Variants in GNAI1 observed in about 807,000 individuals in gnomAD.
GNAI1 encodes the protein G protein subunit alpha i1, also known as guanine nucleotide-binding protein G(i) subunit alpha-1.
GNAI1 carries 11 observed loss-of-function variants against 38.9 expected under a neutral mutation model. The observed-to-expected ratio is 0.28, with a 90% CI of 0.18 to 0.47. The LOEUF (loss-of-function observed/expected upper bound fraction) is 0.47. Ranked by LOEUF, GNAI1 falls within the 20% of genes least tolerant of loss-of-function variation. The probability of loss-of-function intolerance (pLI) is 0.99; values close to 1 mark genes in which losing one functional copy is unlikely to be tolerated. For missense variants in GNAI1, 317 were observed against 436.9 expected (o/e 0.73, Z 2.45); for synonymous variants, 166 against 145.1 (o/e 1.14, Z -1.04).
intron 5 of GNAI1, among the ~76,000 whole-genome samples, chr7:80,206,827 C>A (rs1237990018): frequency 6.6e-6 from 1 of 151,940 alleles, no homozygotes; most frequent in Non-Finnish European, 1.5e-5. Flanking sequence ...AAATTCAGCA[C>A]AGTAAGAGAC....
chr7:80,196,723 C>T (rs1004708912), intron 3 of GNAI1, among the ~76,000 whole-genome samples: 3 of 151,808 alleles, frequency 2.0e-5, no homozygotes, highest in African/African-American at 4.8e-5. Flanking sequence ...TGCCTGAAAG[C>T]TCATCTACAG....
intron 1 of GNAI1, among the ~76,000 whole-genome samples, chr7:80,148,917 C>T (rs1015572946): frequency 2.0e-5 from 3 of 152,044 alleles, no homozygotes; most frequent in Non-Finnish European, 4.4e-5. Context: ...AGTCTTGAGA[C>T]TGATATGTGG....
At chr7:80,208,762 G>A (rs1788822412) in intron 5 of GNAI1, among the ~76,000 whole-genome samples, 1 of 152,058 alleles carries the variant, frequency 6.6e-6, no homozygotes, top group African/African-American at 2.4e-5. Context: ...GCAGGAAACT[G>A]CAGCCTTCTA....
At chr7:80,215,723 A>G (rs769644244) in intron 7 of GNAI1, among the ~76,000 whole-genome samples, 1 of 152,088 alleles carries the variant, frequency 6.6e-6, no homozygotes, top group Non-Finnish European at 1.5e-5. Context: ...ATAAAGCAAT[A>G]TAACAAAAAC....
At chr7:80,163,389 A>G (rs940546186) in intron 1 of GNAI1, among the ~76,000 whole-genome samples, 3 of 152,098 alleles carry the variant, frequency 2.0e-5, no homozygotes, top group Admixed American at 2.0e-4. Flanking sequence ...TGATCTCTAC[A>G]TGTCCTCTTA....
intron 1 of GNAI1, among the ~76,000 whole-genome samples, chr7:80,158,517 G>A (rs1283559442): frequency 1.3e-5 from 2 of 152,108 alleles, no homozygotes. Flanking sequence ...GATTTCACAT[G>A]AGATCTGGTG....
intron 3 of GNAI1, among the ~76,000 whole-genome samples, chr7:80,192,111 C>A (rs1014059705): frequency 2.6e-5 from 4 of 152,188 alleles, no homozygotes; most frequent in African/African-American, 9.6e-5. Context: ...ATATTGCAAA[C>A]ACTTTTGCCT....
chr7:80,165,621 CTT>C (rs1324495831), intron 1 of GNAI1, among the ~76,000 whole-genome samples: 3 of 152,082 alleles, frequency 2.0e-5, no homozygotes, highest in Admixed American at 6.5e-5. Flanking sequence ...TTCTCTTTCT[CTT>C]GTGAAATTGA....
intron 1 of GNAI1, among the ~76,000 whole-genome samples, chr7:80,174,733 T>G (rs1435714442): frequency 6.6e-6 from 1 of 152,162 alleles, no homozygotes; most frequent in Non-Finnish European, 1.5e-5. Context: ...TTGGATCGCA[T>G]AAACCGAACC....
chr7:80,167,169 A>G (rs1788023891), intron 1 of GNAI1, among the ~76,000 whole-genome samples: 1 of 152,208 alleles, frequency 6.6e-6, no homozygotes, highest in Non-Finnish European at 1.5e-5. Flanking sequence ...TAAGATAAGA[A>G]TGACCTTTTT....
chr7:80,186,939 A>C (rs1468374066), intron 1 of GNAI1: 1 of 152,208 alleles, frequency 6.6e-6, no homozygotes, highest in Non-Finnish European at 1.5e-5. Context: ...TTGATTAATA[A>C]ATAATGGGTT....
At chr7:80,171,334 A>G (rs1788095385) in intron 1 of GNAI1, among the ~76,000 whole-genome samples, 2 of 152,108 alleles carry the variant, frequency 1.3e-5, no homozygotes, top group South Asian at 2.1e-4. Flanking sequence ...CTGTGTGTCA[A>G]TGCGTGTGAA....
Position 80,210,951 on chromosome 7 carries a change from C to T in GNAI1, c.591-18C>T. The stretch of plus-strand genomic sequence containing the variant: ...TTGAACATTTAATGTGATGTTAACT[C>T]ATTTCTCCTCTTAACAGAATGTTTG... On this transcript the variant is annotated intron_variant, in intron 5 of 7. Coordinates refer to ENST00000649796, the MANE Select transcript of GNAI1 (RefSeq NM_002069.6). 3.1e-6 allele frequency: 5 copies of T among 1,608,676 alleles called. No homozygotes were observed. The highest frequency in any genetic ancestry group is 3.4e-6 in the Non-Finnish European group (4 of 1,175,226).
chr7:80,138,612 T>C (rs1009654451), intron 1 of GNAI1, among the ~76,000 whole-genome samples: 3 of 152,266 alleles, frequency 2.0e-5, no homozygotes, highest in Non-Finnish European at 4.4e-5. Flanking sequence ...TTATGCTTTA[T>C]TTCGGTAGGT....
rs1789018653 is a variant in GNAI1, at chr7:80,218,699, GATT to G, written c.*1209_*1211del. 1.3e-5 allele frequency: 2 copies of G among 151,968 alleles called. No homozygotes were observed. The highest frequency in any genetic ancestry group is 1.9e-4 in the East Asian group (1 of 5,196). 9.4% of individuals were successfully genotyped at this position (151,968 alleles called of 1,614,324 possible). A position where few individuals can be genotyped will look rare whatever the true frequency, so the allele number is the denominator to read the frequency against. On this transcript the variant is annotated 3_prime_UTR_variant, in exon 8 of 8. Transcript: ENST00000649796. Reference sequence around the variant, plus strand: ...AATTCAAATTTCTCCACTTGCTTGAGATTATATCATTTCTTTTTCAATTATACT... The same window carrying G: ...AATTCAAATTTCTCCACTTGCTTGAGATATCATTTCTTTTTCAATTATACT...
At chr7:80,162,308 C>T (rs1371685210) in intron 1 of GNAI1, among the ~76,000 whole-genome samples, 3 of 152,160 alleles carry the variant, frequency 2.0e-5, no homozygotes, top group African/African-American at 7.2e-5. Flanking sequence ...CTTACAGCAA[C>T]CCAGACTAAG....
chr7:80,139,127 C>T (rs1272450822), intron 1 of GNAI1, among the ~76,000 whole-genome samples: 1 of 149,316 alleles, frequency 6.7e-6, no homozygotes, highest in African/African-American at 2.5e-5. Flanking sequence ...GTGCTTCTTT[C>T]TCATGGCATA....
At chr7:80,189,312 G>A in intron 3 of GNAI1, 81 bp downstream of exon 3, 2 of 1,209,696 alleles carry the variant, frequency 1.7e-6, no homozygotes, top group Non-Finnish European at 2.4e-6. Context: ...TGTAACATAG[G>A]CTTGTCAACT....
intron 1 of GNAI1, among the ~76,000 whole-genome samples, chr7:80,173,602 T>G (rs1788133788): frequency 6.6e-6 from 1 of 151,772 alleles, no homozygotes; most frequent in South Asian, 2.1e-4. Context: ...GGACAGCAGG[T>G]GGGTGGGAAG....
Sources: allele counts gnomAD v4.1 joint callset (sites outside exome capture counted in the v4.1 genomes callset), GRCh38; gene constraint gnomAD v4.1.1; transcripts MANE v1.5; gene names NCBI Gene and HGNC (gene_info 2026-07-23, HGNC 2026-07-21).